RUBCNL: variants seen among roughly 807,000 people sequenced by gnomAD.
RUBCNL encodes the protein rubicon like autophagy enhancer.
Under a neutral mutation model 69.5 loss-of-function variants are expected in RUBCNL, and 62 were observed. The ratio of observed to expected loss-of-function variants is 0.89; its 90% CI spans 0.73 to 1.10. The LOEUF (loss-of-function observed/expected upper bound fraction) is 1.10. Among genes scored for constraint, RUBCNL ranks in the 50% least tolerant of loss-of-function variants. The pLI, the probability that RUBCNL is intolerant of heterozygous loss-of-function variation, is 0.00. For missense variants in RUBCNL, 768 were observed against 798.1 expected (o/e 0.96, Z 0.45); for synonymous variants, 291 against 303.6 (o/e 0.96, Z 0.43).
intron 5 of RUBCNL, 73 bp from the exon 6 acceptor site, chr13:46,363,286 C>A (rs2048674254): frequency 3.1e-6 from 2 of 643,056 alleles, no homozygotes; most frequent in African/African-American, 1.9e-5. Flanking sequence ...CAACACCCAA[C>A]TAAATAGAAA....
At chr13:46,370,404 G>A (rs1299823578) in intron 3 of RUBCNL, among the ~76,000 whole-genome samples, 1 of 152,192 alleles carries the variant, frequency 6.6e-6, no homozygotes, top group African/African-American at 2.4e-5. Flanking sequence ...CTGAGATGCA[G>A]CGGTCATAGG....
chr13:46,385,831 A>G (rs1350043312), intron 1 of RUBCNL, among the ~76,000 whole-genome samples: 2 of 152,166 alleles, frequency 1.3e-5, no homozygotes, highest in African/African-American at 2.4e-5. Flanking sequence ...ACCCCGCTCC[A>G]AGGCTATGAC....
rs750748238 is a variant in RUBCNL at position 46,368,160 on chromosome 13, GCT to G, written c.706_707del (p.Ser236LeufsTer3). 4 of 1,613,758 alleles carry G rather than the reference GCT, an allele frequency of 2.5e-6. No individual in the cohort carries two copies. The East Asian group carries it at 8.9e-5, about 36-fold the overall frequency. ...CNILSQQQTE[S>X]WSKEVSGLLG... ...GTAACCCACTGACTTCTTTACTCCA[GCT>G]CTCTGTCTGCTGTTGACTCAGAATG... On this transcript the variant is annotated frameshift_variant, in exon 5 of 15. Coordinates refer to ENST00000429979, the MANE Select transcript of RUBCNL (RefSeq NM_025113.5). LOFTEE classifies it high-confidence loss of function.
rs2048140905 is a variant in RUBCNL at position 46,341,373 on chromosome 13, G to C, written c.*2012C>G. 1.3e-5 allele frequency among the ~76,000 whole-genome samples: 2 copies of C among 152,200 alleles called. No individual in the cohort carries two copies. Among genetic ancestry groups the C allele is most frequent in the South Asian group, 4.1e-4 (2 of 4,830 alleles). On this transcript the variant is annotated 3_prime_UTR_variant, in exon 15 of 15. Transcript: ENST00000429979. ...ATTACTTCCTTATGGGGTGCTCCAT[G>C]TGGGCTGAAGATCACTTCCCTAACA...
At chr13:46,347,816 C>A (rs1478603668) in intron 12 of RUBCNL, among the ~76,000 whole-genome samples, 1 of 152,002 alleles carries the variant, frequency 6.6e-6, no homozygotes, top group East Asian at 1.9e-4. Flanking sequence ...ATGATGAAAC[C>A]CTGTCTCTAC....
chr13:46,347,499 T>C (rs1185185669), intron 12 of RUBCNL, among the ~76,000 whole-genome samples: 1 of 152,196 alleles, frequency 6.6e-6, no homozygotes, highest in Non-Finnish European at 1.5e-5. Context: ...AAAAGTACAA[T>C]TTTTGAAGAC....
intron 10 of RUBCNL, among the ~76,000 whole-genome samples, chr13:46,351,828 C>CT (rs57329384): frequency 0.01 from 1,344 of 129,760 alleles, 26 homozygotes; most frequent in South Asian, 0.032. Flanking sequence ...GCTCTTTACA[C>CT]TTTTTTTTTT....
At chr13:46,358,562 T>G (rs1002876377) in intron 9 of RUBCNL, among the ~76,000 whole-genome samples, 1 of 152,238 alleles carries the variant, frequency 6.6e-6, no homozygotes, top group African/African-American at 2.4e-5. Context: ...ACATTTCTTT[T>G]GTTGGTTTTG....
chr13:46,387,389 C>G (rs2049276195), upstream of RUBCNL: 1 of 985,408 alleles, frequency 1.0e-6, no homozygotes, highest in South Asian at 4.7e-5. Flanking sequence ...GGCACCGAGA[C>G]GTCGCCCAGA....
intron 14 of RUBCNL, 109 bp from the exon 15 acceptor site, chr13:46,343,606 C>G: frequency 8.6e-7 from 1 of 1,163,936 alleles, no homozygotes; most frequent in Non-Finnish European, 1.2e-6. Context: ...ATCCAGAGCC[C>G]AGAGTCTTCT....
chr13:46,370,168 G>A lies in RUBCNL; in HGVS notation c.536-1353C>T, dbSNP rs973262728. On this transcript the variant is annotated intron_variant, in intron 3 of 14. Coordinates refer to ENST00000429979, the MANE Select transcript of RUBCNL (RefSeq NM_025113.5). ...GAGTGGATTCCAGTTCCAGCTGTCC[G>A]TTCACCAGCTGTGCCTCTGCATCAA... Among the ~76,000 whole-genome samples the A allele has an allele frequency of 3.3e-5, 5 of 152,258 alleles. No individual in the cohort carries two copies. In the South Asian group the frequency reaches 1.0e-3, roughly 32 times the overall value.
intron 10 of RUBCNL, among the ~76,000 whole-genome samples, chr13:46,352,193 T>A (rs975796533): frequency 3.3e-5 from 5 of 152,132 alleles, no homozygotes; most frequent in Non-Finnish European, 7.4e-5. Flanking sequence ...ATAAAATACA[T>A]TAACAAACAA....
chr13:46,351,669 C>T (rs2048371477), intron 10 of RUBCNL, among the ~76,000 whole-genome samples: 1 of 152,122 alleles, frequency 6.6e-6, no homozygotes, highest in Admixed American at 6.5e-5. Context: ...AGGAAGTGGA[C>T]ATCCAGTTAC....
intron 10 of RUBCNL, among the ~76,000 whole-genome samples, chr13:46,352,362 T>G (rs552008621): frequency 8.5e-4 from 130 of 152,312 alleles, no homozygotes; most frequent in African/African-American, 3.0e-3. Flanking sequence ...GTCATGTACG[T>G]CTTTGTAACT....
intron 10 of RUBCNL, among the ~76,000 whole-genome samples, chr13:46,353,796 G>A (rs1314449907): frequency 2.0e-5 from 3 of 152,226 alleles, no homozygotes; most frequent in African/African-American, 7.2e-5. Flanking sequence ...GGATAAAAGT[G>A]TTCTATATCT....
rs375541525 is a variant in RUBCNL, at chr13:46,343,411, C to A, written c.1963G>T (p.Glu655Ter). 6.2e-7 allele frequency: 1 copy of A among 1,613,794 alleles called. No homozygotes were observed. Among genetic ancestry groups the A allele is most frequent in the Non-Finnish European group, 8.5e-7 (1 of 1,179,820 alleles). The part of the protein sequence containing the change: ...ARITARRKLL[E>*]SVASAAT ...CATGTTGCTGCAGAGGCCACACTTT[C>A]CAGAAGTTTTCTCCTCGCTGTGATC... The change falls in exon 15 of 15, where the codon GAA becomes TAA. Residue 655 changes from glutamate to a stop codon, truncating the protein, a stop_gained. Transcript: ENST00000429979. LOFTEE classifies it high-confidence loss of function.
Position 46,343,510 on chromosome 13 carries a change from AAG to A in RUBCNL, c.1877-15_1877-14del. 6.2e-7 allele frequency: 1 copy of A among 1,610,870 alleles called. No individual in the cohort carries two copies. The highest frequency in any genetic ancestry group is 8.5e-7 in the Non-Finnish European group (1 of 1,177,654). ...CAAGCCCTGCACGCTGCAAGCAAGG[AAG>A]AGAGCCGTTAGCAAACGGTCTATCT... On this transcript the variant is annotated splice_polypyrimidine_tract_variant and intron_variant, in intron 14 of 14. Coordinates refer to ENST00000429979, the MANE Select transcript of RUBCNL (RefSeq NM_025113.5).
At chr13:46,369,791 G>A (rs1340259999) in intron 3 of RUBCNL, among the ~76,000 whole-genome samples, 1 of 152,224 alleles carries the variant, frequency 6.6e-6, no homozygotes, top group Non-Finnish European at 1.5e-5. Flanking sequence ...ACAAAATGCT[G>A]CACATGGTGG....
chr13:46,347,043 G>A (rs1380811253), intron 12 of RUBCNL, among the ~76,000 whole-genome samples: 2 of 152,112 alleles, frequency 1.3e-5, no homozygotes, highest in Non-Finnish European at 2.9e-5. Flanking sequence ...CAGGTATATC[G>A]CAGGACACTG....
Sources: gnomAD v4.1 joint callset for allele counts (sites outside exome capture counted in the v4.1 genomes callset) on GRCh38, gnomAD v4.1.1 for gene constraint, MANE v1.5 for transcripts, NCBI Gene and HGNC (gene_info 2026-07-23, HGNC 2026-07-21) for gene names.